The following ZNF860 variants were observed in gnomAD, a reference collection of about 807,000 sequenced individuals.
The protein encoded by ZNF860 is zinc finger protein 860.
For missense variants in ZNF860, 641 were observed against 759.2 expected, an observed-to-expected ratio of 0.84 and a Z score of 1.83; for synonymous variants, 206 against 248.9, an observed-to-expected ratio of 0.83 and a Z score of 1.62.
chr3:31,991,165 G>T lies in ZNF860; in HGVS notation c.*187G>T, dbSNP rs1699023480. On this transcript the variant is annotated 3_prime_UTR_variant, in exon 2 of 2. Transcript: ENST00000360311. ...AAAGTGTTTACGTTAAGAGGATTGG[G>T]CTGGGCAGGGTGGCTTATACCTGTA... 1 of 669,774 alleles carries T rather than the reference G, an allele frequency of 1.5e-6. No individual in the cohort carries two copies. Among genetic ancestry groups the T allele is most frequent in the African/African-American group, 1.8e-5 (1 of 54,712 alleles). 41.5% of individuals were successfully genotyped at this position (669,774 alleles called of 1,614,324 possible).
At chr3:31,985,758 G>A (rs573242918) in intron 1 of ZNF860, among the ~76,000 whole-genome samples, 31 of 152,292 alleles carry the variant, frequency 2.0e-4, no homozygotes, top group Middle Eastern at 3.4e-3. Flanking sequence ...TGTGTTGTAC[G>A]TCCCAAATAA....
At chr3:31,984,310 G>A (rs1002752029) in intron 1 of ZNF860, among the ~76,000 whole-genome samples, 4 of 151,702 alleles carry the variant, frequency 2.6e-5, no homozygotes, top group Admixed American at 2.0e-4. Context: ...AAAGTGCTGG[G>A]ATTACAGGCG....
chr3:32,002,013 T>C, the ZNF860 span, among the ~76,000 whole-genome samples: 1 of 152,172 alleles, frequency 6.6e-6, no homozygotes, highest in African/African-American at 2.4e-5. Flanking sequence ...GCTCACATGA[T>C]TAATAAATGG....
At position 31,989,729 on chromosome 3, in the gene ZNF860, T is replaced by C; in HGVS notation, c.650T>C (p.Leu217Pro). Residue 217 changes from leucine to proline, a missense_variant, in exon 2 of 2, where the codon CTC (leucine) becomes CCC (proline). Physicochemically the swap from Leu to Pro is moderately conservative, Grantham distance 98. Transcript: ENST00000360311. ...YENNFFHSSL[L>P]TLKQEVHIRE... ...AATAATTTCTTCCATTCATCATTAC[T>C]CACACTAAAACAGGAAGTACACATA... 1 of 1,614,100 alleles carries C rather than the reference T, an allele frequency of 6.2e-7. No individual in the cohort carries two copies. Among genetic ancestry groups the C allele is most frequent in the Non-Finnish European group, 8.5e-7 (1 of 1,179,994 alleles).
chr3:32,001,828 C>T, the ZNF860 span, among the ~76,000 whole-genome samples: 2 of 152,082 alleles, frequency 1.3e-5, no homozygotes, highest in African/African-American at 4.8e-5. Context: ...AGGACAATGG[C>T]CCCACTCAAT....
the ZNF860 span, among the ~76,000 whole-genome samples, chr3:32,001,431 A>G: frequency 2.0e-5 from 3 of 152,274 alleles, no homozygotes; most frequent in South Asian, 4.1e-4. Context: ...TACATCTATT[A>G]TTGCTCTCAT....
At position 31,989,340 on chromosome 3, in the gene ZNF860, G is replaced by T; in HGVS notation, c.261G>T (p.Gly87=). The change falls in exon 2 of 2, where the codon GGG becomes GGT. Residue 87 remains glycine, a synonymous_variant. Transcript: ENST00000360311. ...AAGGCAATACAGAAGTGGACACAGG[G>T]ACATTAGAAAGACATGAAAGTCATC... ...TAQGNTEVDT[G]TLERHESHHI... is the part of the protein sequence containing the mutation. 1 of 1,614,202 alleles carries T rather than the reference G, an allele frequency of 6.2e-7. No homozygotes were observed. Among genetic ancestry groups the T allele is most frequent in the Non-Finnish European group, 8.5e-7 (1 of 1,180,036 alleles).
intron 1 of ZNF860, among the ~76,000 whole-genome samples, chr3:31,984,402 T>A (rs62244400): frequency 0.086 from 12,998 of 151,460 alleles, 1,058 homozygotes; most frequent in East Asian, 0.47. Flanking sequence ...ATGGGGAAGC[T>A]GATAGATTGG....
the ZNF860 span, among the ~76,000 whole-genome samples, chr3:32,001,881 T>C: frequency 1.3e-5 from 2 of 152,168 alleles, no homozygotes; most frequent in Non-Finnish European, 2.9e-5. Context: ...TCCCAACTCT[T>C]GGACAATTTT....
intron 1 of ZNF860, among the ~76,000 whole-genome samples, chr3:31,982,721 A>G (rs930379096): frequency 6.6e-6 from 1 of 152,148 alleles, no homozygotes; most frequent in African/African-American, 2.4e-5. Flanking sequence ...ATTCTAACCT[A>G]TGACCTTGAT....
chr3:31,987,104 A>G (rs1698944757), intron 1 of ZNF860, among the ~76,000 whole-genome samples: 1 of 140,656 alleles, frequency 7.1e-6, no homozygotes, highest in Non-Finnish European at 1.5e-5. Flanking sequence ...GTCCATATAT[A>G]TGTATGTGTA....
chr3:31,992,598 C>G (rs764073603), downstream of ZNF860, among the ~76,000 whole-genome samples: 1 of 152,196 alleles, frequency 6.6e-6, no homozygotes, highest in Non-Finnish European at 1.5e-5. Flanking sequence ...TTCTCTGACT[C>G]TGACCCTCCT....
chr3:31,996,492 A>T, downstream of ZNF860, among the ~76,000 whole-genome samples: 1 of 129,824 alleles, frequency 7.7e-6, no homozygotes, highest in East Asian at 2.1e-4. Flanking sequence ...TTAAATATAA[A>T]TTGCCAGGGG....
chr3:31,987,117 C>T (rs1291683605), intron 1 of ZNF860, among the ~76,000 whole-genome samples: 1 of 77,276 alleles, frequency 1.3e-5, no homozygotes, highest in Non-Finnish European at 2.2e-5. Flanking sequence ...TATGTGTATA[C>T]ACACACACAC....
chr3:31,986,927 C>T (rs556928124), intron 1 of ZNF860, among the ~76,000 whole-genome samples: 154 of 152,138 alleles, frequency 1.0e-3, no homozygotes, highest in African/African-American at 3.2e-3. Flanking sequence ...GGATTGCTTG[C>T]GCCCAGAAAT....
rs972962268 is a variant in ZNF860 at position 31,981,901 on chromosome 3, A to T, written c.-422A>T. ...GAGGGGAGTGGCAGGTGATCCTCAC[A>T]GGTAAGCTCGCCGGGCATTTTCATG... is the stretch of plus-strand genomic sequence containing the variant. On this transcript the variant is annotated splice_region_variant and 5_prime_UTR_variant, in exon 1 of 2. Coordinates refer to ENST00000360311, the MANE Select transcript of ZNF860 (RefSeq NM_001137674.3). This position sits in a 1 kb window ranked among gnomAD's most constrained non-coding sequence, Gnocchi z 4.5. The T allele has an allele frequency of 3.3e-5, 5 of 152,194 alleles. No individual in the cohort carries two copies. Among genetic ancestry groups the T allele is most frequent in the Non-Finnish European group, 5.9e-5 (4 of 68,058 alleles). 9.4% of individuals were successfully genotyped at this position (152,194 alleles called of 1,614,324 possible).
At chr3:31,997,865 G>A in the ZNF860 span, among the ~76,000 whole-genome samples, 1 of 152,080 alleles carries the variant, frequency 6.6e-6, no homozygotes, top group Non-Finnish European at 1.5e-5. Flanking sequence ...CCAACTCATG[G>A]CAGCCTCGAC....
rs752809778 is a variant in ZNF860 at position 31,989,301 on chromosome 3, C to T, written c.222C>T (p.Phe74=). ...CTTCCAAATGCATGATGAAGAAGTT[C>T]TCATCAACAGCGCAAGGCAATACAG... The part of the protein sequence containing the change: ...DISSKCMMKK[F]SSTAQGNTEV... Residue 74 remains phenylalanine (F), a synonymous_variant, in exon 2 of 2, where the codon TTC becomes TTT. Coordinates refer to ENST00000360311, the MANE Select transcript of ZNF860 (RefSeq NM_001137674.3). 19 of 1,614,138 alleles carry T rather than the reference C, an allele frequency of 1.2e-5. 1 individual carries two copies. The South Asian group carries it at 2.1e-4, about 18-fold the overall frequency.
At chr3:31,992,022 A>T (rs1389736965), downstream of ZNF860, among the ~76,000 whole-genome samples, 1 of 151,842 alleles carries the variant, frequency 6.6e-6, no homozygotes, top group Non-Finnish European at 1.5e-5. Flanking sequence ...GGCACGCACC[A>T]GTAGTCCCAG....
Sources: gnomAD v4.1 joint callset for allele counts (sites outside exome capture counted in the v4.1 genomes callset) on GRCh38, gnomAD v4.1.1 for gene constraint, Gnocchi (gnomAD v3.1) non-coding constraint, MANE v1.5 for transcripts, NCBI Gene and HGNC (gene_info 2026-07-23, HGNC 2026-07-21) for gene names.